The following WDFY4 variants were observed in gnomAD, a reference collection of about 807,000 sequenced individuals.
The protein encoded by WDFY4 is WD repeat- and FYVE domain-containing protein 4.
Under a neutral mutation model 351.9 loss-of-function variants are expected in WDFY4, and 169 were observed. That is an observed-to-expected ratio of 0.48 (90% CI 0.42 to 0.55). The LOEUF is 0.55. Among genes scored for constraint, WDFY4 ranks in the 20% least tolerant of loss-of-function variants. The pLI, the probability that WDFY4 is intolerant of heterozygous loss-of-function variation, is 0.00. For synonymous variants in WDFY4, 1,622 were observed against 1,574.6 expected (o/e 1.03, Z -0.71); for missense variants, 3,803 against 3,935.6 (o/e 0.97, Z 0.90).
chr10:48,976,929 T>C lies in WDFY4; in HGVS notation c.9241T>C (p.Trp3081Arg). ...TCCCLMEGPA[W>R]DTSQIIITGS... ...CTGCTGCCTGATGGAGGGCCCAGCATGGGACACAAGCCAGATCATCATCAC... is the reference window on the plus strand; with the variant it reads ...CTGCTGCCTGATGGAGGGCCCAGCACGGGACACAAGCCAGATCATCATCAC... The change falls in exon 59 of 62, where the codon TGG becomes CGG. Residue 3081 changes from tryptophan to arginine, a missense_variant. By Grantham distance (101) the Trp-to-Arg change is moderately radical (BLOSUM62 -3). Transcript: ENST00000325239. 2 of 1,531,238 alleles carry C rather than the reference T, an allele frequency of 1.3e-6. No individual in the cohort carries two copies. Among genetic ancestry groups the C allele is most frequent in the Admixed American group, 4.1e-5 (2 of 48,980 alleles). The allele number at this position is 1,531,238 out of a possible 1,614,324, so 94.9% of individuals were successfully genotyped here. A position where few individuals can be genotyped will look rare whatever the true frequency, so the allele number is the denominator to read the frequency against.
chr10:48,913,426 T>C (rs778278908), intron 47 of WDFY4: 2 of 1,613,010 alleles, frequency 1.2e-6, no homozygotes, highest in Non-Finnish European at 1.7e-6. Flanking sequence ...GCCATGGAAT[T>C]GGGTGAGATC....
intron 24 of WDFY4, 75 bp from the exon 25 acceptor site, chr10:48,803,211 G>T: frequency 1.4e-6 from 2 of 1,437,436 alleles, no homozygotes; most frequent in South Asian, 1.2e-5. Context: ...GTCCAGCACT[G>T]ACCTTCTCAT....
At position 48,874,666 on chromosome 10, in the gene WDFY4, A is replaced by T. The variant is rs865836194; in HGVS notation, c.6949-423A>T. On this transcript the variant is annotated intron_variant, in intron 41 of 61. Transcript: ENST00000325239. ...TAGGAAGCAAAAAAAAATAAAAAAT[A>T]AAAAAAATAAGTAGCCTGCTCACTG... is the stretch of plus-strand genomic sequence containing the variant. 1.4e-3 allele frequency among the ~76,000 whole-genome samples: 213 copies of T among 152,146 alleles called. 1 individual carries two copies. The highest frequency in any genetic ancestry group is 4.8e-3 in the African/African-American group (199 of 41,516).
At chr10:48,885,111 T>A (rs148698405) in intron 43 of WDFY4, among the ~76,000 whole-genome samples, 1 of 152,278 alleles carries the variant, frequency 6.6e-6, no homozygotes, top group East Asian at 1.9e-4. Flanking sequence ...GGTCGGTTTC[T>A]TAGTGTATGG....
At chr10:48,833,238 G>C (rs909717688) in intron 39 of WDFY4, among the ~76,000 whole-genome samples, 7 of 151,946 alleles carry the variant, frequency 4.6e-5, no homozygotes, top group Non-Finnish European at 1.0e-4. Flanking sequence ...TACGGTGGGT[G>C]GGGGGACAGG....
intron 43 of WDFY4, among the ~76,000 whole-genome samples, chr10:48,889,633 C>T (rs2070608528): frequency 6.6e-6 from 1 of 152,190 alleles, no homozygotes; most frequent in African/African-American, 2.4e-5. Context: ...TATTGATTCA[C>T]TCACTTGTTC....
At position 48,900,236 on chromosome 10, in the gene WDFY4, ATCT is replaced by A; in HGVS notation, c.7459_7461del (p.Phe2487del). On this transcript the variant is annotated inframe_deletion, in exon 46 of 62. Coordinates refer to ENST00000325239, the MANE Select transcript of WDFY4 (RefSeq NM_001394531.1). Reference sequence around the variant, plus strand: ...CTCTTCACAGGACATCGCCCTGGAGATCTTCTTCCACAATGGATATTCCAAGTT... The same window carrying A: ...CTCTTCACAGGACATCGCCCTGGAGATCTTCCACAATGGATATTCCAAGTT... 2 of 1,551,648 alleles carry A rather than the reference ATCT, an allele frequency of 1.3e-6. No individual in the cohort carries two copies. The highest frequency in any genetic ancestry group is 1.7e-6 in the Non-Finnish European group (2 of 1,146,944).
intron 24 of WDFY4, among the ~76,000 whole-genome samples, chr10:48,797,683 A>T (rs993532595): frequency 7.2e-5 from 11 of 152,146 alleles, no homozygotes; most frequent in Admixed American, 7.2e-4. Flanking sequence ...TCTATTGCCA[A>T]ATTTTTAGAT....
chr10:48,863,177 A>G (rs1341308192), intron 39 of WDFY4, among the ~76,000 whole-genome samples: 4 of 152,188 alleles, frequency 2.6e-5, no homozygotes, highest in African/African-American at 9.7e-5. Flanking sequence ...TATAAGTTTC[A>G]GTTGGACACA....
rs542368193 is a variant in WDFY4 at position 48,943,431 on chromosome 10, C to T, written c.7731C>T (p.Leu2577=). ...YMQYPVFPWV[L]ADYTSETLNL... is the part of the protein sequence containing the mutation. Reference sequence around the variant, plus strand: ...AGTACCCAGTGTTCCCCTGGGTCCTCGCAGACTACACCTCAGAGGTAAGTT... The same window carrying T: ...AGTACCCAGTGTTCCCCTGGGTCCTTGCAGACTACACCTCAGAGGTAAGTT... The change falls in exon 49 of 62, where the codon CTC becomes CTT. Residue 2577 remains leucine (L), a synonymous_variant. Coordinates refer to ENST00000325239, the MANE Select transcript of WDFY4 (RefSeq NM_001394531.1). 77 of 1,551,860 alleles carry T rather than the reference C, an allele frequency of 5.0e-5. No homozygotes were observed. The South Asian group carries it at 8.1e-4, about 16-fold the overall frequency.
At position 48,978,403 on chromosome 10, in the gene WDFY4, C is replaced by G; in HGVS notation, c.9376+10C>G. 5.8e-6 allele frequency: 9 copies of G among 1,548,486 alleles called. No homozygotes were observed. Among genetic ancestry groups the G allele is most frequent in the Non-Finnish European group, 7.9e-6 (9 of 1,145,604 alleles). On this transcript the variant is annotated intron_variant, in intron 60 of 61. Coordinates refer to ENST00000325239, the MANE Select transcript of WDFY4 (RefSeq NM_001394531.1). ...CCTCCAAGCCCAAGAGGTACCTGAC[C>G]TGCTAGGGATGTGGCCGTCCTGGCC...
At chr10:48,823,761 G>T in intron 35 of WDFY4, 2 of 991,402 alleles carry the variant, frequency 2.0e-6, no homozygotes, top group Non-Finnish European at 2.4e-6. Context: ...CTTTCAGGGG[G>T]ACCAGGCCTG....
chr10:48,723,878 A>C (rs1409728409), intron 5 of WDFY4, among the ~76,000 whole-genome samples: 1 of 151,974 alleles, frequency 6.6e-6, no homozygotes, highest in African/African-American at 2.4e-5. Flanking sequence ...GGGTCCATAC[A>C]AACTGAGGCA....
At chr10:48,786,985 G>A in intron 20 of WDFY4, 115 bp downstream of exon 20, 1 of 808,740 alleles carries the variant, frequency 1.2e-6, no homozygotes, top group Non-Finnish European at 2.0e-6. Context: ...AGTCATTAGG[G>A]AAGACCTCTG....
intron 1 of WDFY4, among the ~76,000 whole-genome samples, chr10:48,703,920 A>G (rs552013567): frequency 1.3e-5 from 2 of 152,174 alleles, no homozygotes; most frequent in East Asian, 1.9e-4. Flanking sequence ...GGATAGTGAC[A>G]CCAAGAGACC....
intron 39 of WDFY4, among the ~76,000 whole-genome samples, chr10:48,838,147 G>T (rs982073795): frequency 6.6e-6 from 1 of 152,198 alleles, no homozygotes; most frequent in South Asian, 2.1e-4. Flanking sequence ...AGGATGATCC[G>T]CTGGAATTGC....
intron 17 of WDFY4, 117 bp downstream of exon 17, chr10:48,777,612 A>C (rs914079610): frequency 1.9e-6 from 2 of 1,049,516 alleles, no homozygotes; most frequent in African/African-American, 3.2e-5. Context: ...TGTGCTGGGC[A>C]TGGTGGCTCA....
intron 16 of WDFY4, among the ~76,000 whole-genome samples, 155 bp downstream of exon 16, chr10:48,777,139 C>T (rs1419999705): frequency 2.0e-5 from 3 of 152,238 alleles, no homozygotes; most frequent in African/African-American, 7.2e-5. Context: ...TACTCAGCGG[C>T]CTCCCAGGGG....
At chr10:48,931,095 A>G (rs945420828) in intron 47 of WDFY4, among the ~76,000 whole-genome samples, 1 of 31,042 alleles carries the variant, frequency 3.2e-5, no homozygotes, top group Non-Finnish European at 9.1e-5. Context: ...ACTCACACTC[A>G]AACACACACA....
Sources: gnomAD v4.1 joint callset for allele counts (sites outside exome capture counted in the v4.1 genomes callset) on GRCh38, gnomAD v4.1.1 for gene constraint, MANE v1.5 for transcripts, NCBI Gene and HGNC (gene_info 2026-07-23, HGNC 2026-07-21) for gene names.